The following PIWIL3 variants were observed in gnomAD, a reference collection of about 807,000 sequenced individuals.
PIWIL3 encodes piwi like RNA-mediated gene silencing 3.
PIWIL3 carries 101 observed loss-of-function variants against 109.7 expected under a neutral mutation model. That is an observed-to-expected ratio of 0.92 (90% CI 0.78 to 1.09). The LOEUF (loss-of-function observed/expected upper bound fraction) is 1.09. Ranked by LOEUF, PIWIL3 falls within the 50% of genes least tolerant of loss-of-function variation. The pLI, the probability that PIWIL3 is intolerant of heterozygous loss-of-function variation, is 0.00. For synonymous variants in PIWIL3, 373 were observed against 376.4 expected (o/e 0.99, Z 0.10); for missense variants, 1,031 against 1,072.6 (o/e 0.96, Z 0.54).
chr22:24,734,784 C>T (rs1224525396), intron 13 of PIWIL3, among the ~76,000 whole-genome samples: 3 of 151,316 alleles, frequency 2.0e-5, no homozygotes, highest in South Asian at 4.2e-4. Flanking sequence ...CCTAACAAAC[C>T]CTGCCCTCAG....
Position 24,724,559 on chromosome 22 carries a change from C to T in PIWIL3, c.2231+328G>A, listed in dbSNP as rs542823086. ...AAGTGATTCTCCTGCCTCAGCCTCC[C>T]GAGTAGCTGGGATTACAGGCATGCA... is the stretch of plus-strand genomic sequence containing the variant. On this transcript the variant is annotated intron_variant, in intron 18 of 20. Coordinates refer to ENST00000616349, the MANE Select transcript of PIWIL3 (RefSeq NM_001255975.1). Among the ~76,000 whole-genome samples the T allele has an allele frequency of 1.3e-3, 193 of 152,006 alleles. 2 individuals are homozygous for T. In the Middle Eastern group the frequency reaches 0.02, roughly 16 times the overall value.
intron 19 of PIWIL3, 95 bp downstream of exon 19, chr22:24,723,035 C>G: frequency 1.5e-6 from 2 of 1,378,790 alleles, no homozygotes; most frequent in Non-Finnish European, 2.0e-6. Flanking sequence ...ATCAGCAGTG[C>G]TTTAAGGTAA....
intron 12 of PIWIL3, among the ~76,000 whole-genome samples, chr22:24,738,290 T>G (rs759445537): frequency 6.6e-6 from 1 of 152,230 alleles, no homozygotes; most frequent in Non-Finnish European, 1.5e-5. Context: ...GACTCCTGAC[T>G]GGCATTTCTG....
intron 8 of PIWIL3, among the ~76,000 whole-genome samples, chr22:24,752,605 C>T (rs1924778176): frequency 6.6e-6 from 1 of 152,100 alleles, no homozygotes; most frequent in Non-Finnish European, 1.5e-5. Flanking sequence ...TCTCTTCTTT[C>T]ACCTATTCAG....
At position 24,719,751 on chromosome 22, in the gene PIWIL3, C is replaced by G. The variant is rs1922548324; in HGVS notation, c.2502G>C (p.Leu834Phe). The G allele has an allele frequency of 6.2e-7, 1 of 1,610,684 alleles. No individual in the cohort carries two copies. The highest frequency in any genetic ancestry group is 1.3e-5 in the African/African-American group (1 of 74,806). The part of the protein sequence containing the change: ...TYCLCHMYYN[L>F]PGIIRVPAPC... ...AAAAGTAACAAAAAGTACTTACTGG[C>G]AAATTATAATACATGTGGCATAGAC... The change falls in exon 20 of 21, where the codon TTG (leucine) becomes TTC (phenylalanine). Residue 834 changes from leucine (L) to phenylalanine (F), a missense_variant. Coordinates refer to ENST00000616349, the MANE Select transcript of PIWIL3 (RefSeq NM_001255975.1).
chr22:24,733,669 G>GA lies in PIWIL3; in HGVS notation c.1707+414dup, dbSNP rs533132518. ...CACTCCAGCCTGGGCCATGGAGCAA[G>GA]ACTCCATCTCAAAAACAAACAAACA... On this transcript the variant is annotated intron_variant, in intron 14 of 20. Transcript: ENST00000616349. 1.0e-3 allele frequency among the ~76,000 whole-genome samples: 159 copies of GA among 151,588 alleles called. 2 individuals carry two copies. Among genetic ancestry groups the GA allele is most frequent in the Non-Finnish European group, 2.6e-4 (18 of 67,966 alleles).
Position 24,755,871 on chromosome 22 carries a change from T to C in PIWIL3, c.605A>G (p.Asn202Ser). ...VEWLSTTKDKNIVKITVEFSK... is the reference protein window; with the variant it reads ...VEWLSTTKDKSIVKITVEFSK... ...AAACTCAACTGTAATCTTCACGATG[T>C]TTTTGTCTTTGGTTGTGCTCAACCA... The change falls in exon 6 of 21, where the codon AAC becomes AGC. Residue 202 changes from asparagine (N) to serine (S), a missense_variant. Physicochemically the swap from Asn to Ser is conservative, Grantham distance 46. Coordinates refer to ENST00000616349, the MANE Select transcript of PIWIL3 (RefSeq NM_001255975.1). The C allele has an allele frequency of 6.2e-7, 1 of 1,614,026 alleles. No individual in the cohort carries two copies. Among genetic ancestry groups the C allele is most frequent in the South Asian group, 1.1e-5 (1 of 91,074 alleles).
At chr22:24,727,209 C>T (rs1439547095) in intron 16 of PIWIL3, among the ~76,000 whole-genome samples, 2 of 152,180 alleles carry the variant, frequency 1.3e-5, no homozygotes, top group Non-Finnish European at 2.9e-5. Context: ...AGAATTCTAC[C>T]TGTTCTAATC....
At chr22:24,771,318 A>G (rs1365651986) in intron 1 of PIWIL3, among the ~76,000 whole-genome samples, 1 of 151,626 alleles carries the variant, frequency 6.6e-6, no homozygotes, top group Non-Finnish European at 1.5e-5. Flanking sequence ...AAAATAGAAA[A>G]AGAAAAAAAG....
chr22:24,753,951 T>C, intron 8 of PIWIL3, 63 bp downstream of exon 8: 10 of 1,387,702 alleles, frequency 7.2e-6, no homozygotes, highest in Non-Finnish European at 1.0e-5. Flanking sequence ...TATAGGACCA[T>C]CTCTTGGGGT....
intron 12 of PIWIL3, 85 bp from the exon 13 acceptor site, chr22:24,735,977 A>G (rs775950760): frequency 3.2e-4 from 359 of 1,107,428 alleles, no homozygotes; most frequent in Non-Finnish European, 4.3e-4. Context: ...AATCCGTGCT[A>G]TCTCCTATAG....
At chr22:24,773,282 T>G (rs895865332) in intron 1 of PIWIL3, among the ~76,000 whole-genome samples, 6 of 152,142 alleles carry the variant, frequency 3.9e-5, no homozygotes, top group African/African-American at 1.4e-4. Context: ...TTTTCCATAC[T>G]CCTGCCTTCC....
chr22:24,754,934 A>T, intron 6 of PIWIL3, 70 bp from the exon 7 acceptor site: 4 of 1,327,050 alleles, frequency 3.0e-6, no homozygotes, highest in Middle Eastern at 1.8e-4. Context: ...AAGACACATA[A>T]GGGAAAAAAA....
intron 19 of PIWIL3, among the ~76,000 whole-genome samples, chr22:24,722,329 G>A (rs1315784594): frequency 1.3e-5 from 2 of 152,014 alleles, no homozygotes; most frequent in Non-Finnish European, 2.9e-5. Context: ...TGATCTGCCC[G>A]CCTTGGCCTC....
Position 24,751,366 on chromosome 22 carries a change from TA to T in PIWIL3, c.1089+20del. On this transcript the variant is annotated intron_variant, in intron 9 of 20. Transcript: ENST00000616349. Reference sequence around the variant, plus strand: ...TGAAGGTTTACAATTTAAATATATTTAAAGAAATACAGTTTCATACCTGCCT... The same window carrying T: ...TGAAGGTTTACAATTTAAATATATTTAAGAAATACAGTTTCATACCTGCCT... The T allele has an allele frequency of 6.4e-7, 1 of 1,572,098 alleles. No individual in the cohort carries two copies. The highest frequency in any genetic ancestry group is 1.4e-5 in the African/African-American group (1 of 72,828).
chr22:24,739,907 C>T (rs541669221), intron 12 of PIWIL3, among the ~76,000 whole-genome samples: 21 of 151,678 alleles, frequency 1.4e-4, no homozygotes, highest in African/African-American at 4.1e-4. Flanking sequence ...AAAAATTAGC[C>T]GGGCATGGTG....
rs1263015304 is a variant in PIWIL3, at chr22:24,721,332, CCTG to C, written c.2358-1440_2358-1438del. ...GTGGTTGCTTTTAAATTTTCTTATG[CCTG>C]CTGAAGTTTCACTATAACATTTCTA... On this transcript the variant is annotated intron_variant, in intron 19 of 20. Transcript: ENST00000616349. Among the ~76,000 whole-genome samples, 3 of 152,034 alleles carry C rather than the reference CCTG, an allele frequency of 2.0e-5. No homozygotes were observed. The South Asian group carries it at 6.2e-4, about 32-fold the overall frequency.
At chr22:24,722,640 G>A (rs1307918653) in intron 19 of PIWIL3, among the ~76,000 whole-genome samples, 1 of 152,108 alleles carries the variant, frequency 6.6e-6, no homozygotes, top group Non-Finnish European at 1.5e-5. Flanking sequence ...TTGAACCTGG[G>A]AGGAAGAGGT....
intron 16 of PIWIL3, among the ~76,000 whole-genome samples, chr22:24,727,724 G>A (rs758624274): frequency 5.9e-5 from 9 of 152,198 alleles, no homozygotes; most frequent in Admixed American, 2.0e-4. Flanking sequence ...AAACTGCCAC[G>A]TCTGTGGTAT....
Sources: gnomAD v4.1 joint callset for allele counts (sites outside exome capture counted in the v4.1 genomes callset) on GRCh38, gnomAD v4.1.1 for gene constraint, MANE v1.5 for transcripts, NCBI Gene and HGNC (gene_info 2026-07-23, HGNC 2026-07-21) for gene names.